GAPVD1: variants seen among roughly 807,000 people sequenced by gnomAD.
GAPVD1 encodes GTPase-activating protein and VPS9 domain-containing protein 1.
A neutral mutation model predicts 155.5 loss-of-function variants in GAPVD1; 35 were observed. The ratio of observed to expected loss-of-function variants is 0.23; its 90% CI spans 0.17 to 0.30. The LOEUF is 0.30. Among genes scored for constraint, GAPVD1 ranks in the 10% least tolerant of loss-of-function variants. The probability of loss-of-function intolerance (pLI) is 1.00; values close to 1 mark genes in which losing one functional copy is unlikely to be tolerated. For synonymous variants in GAPVD1, 636 were observed against 619.7 expected (o/e 1.03, Z -0.39); for missense variants, 1,429 against 1,775.7 (o/e 0.80, Z 3.51).
chr9:125,340,654 A>G (rs1426649245), intron 17 of GAPVD1, among the ~76,000 whole-genome samples: 2 of 152,026 alleles, frequency 1.3e-5, no homozygotes, highest in Non-Finnish European at 2.9e-5. Flanking sequence ...TTTGTACTGC[A>G]TTTACTTTTT....
intron 25 of GAPVD1, among the ~76,000 whole-genome samples, chr9:125,356,451 A>G (rs1299326991): frequency 6.6e-6 from 1 of 152,140 alleles, no homozygotes; most frequent in Non-Finnish European, 1.5e-5. Context: ...AGACATTCCC[A>G]AATGTCCCTT....
At position 125,337,227 on chromosome 9, in the gene GAPVD1, C is replaced by G; in HGVS notation, c.2513C>G (p.Ser838Cys). 1 of 1,613,914 alleles carries G rather than the reference C, an allele frequency of 6.2e-7. No homozygotes were observed. ...TTTTTTTCCTGTGTTGCAGGGGCTT[C>G]TGCTGTGGTAAGGCCAAAGGTTCAC... ...FDPLSSHEGA[S>C]AVVRPKVHYA... The change falls in exon 17 of 28, where the codon TCT (serine) becomes TGT (cysteine). Residue 838 changes from serine (S) to cysteine (C), a missense_variant. By Grantham distance (112) the Ser-to-Cys change is moderately radical. Transcript: ENST00000297933.
At chr9:125,292,528 G>T (rs1838775757) in intron 2 of GAPVD1, among the ~76,000 whole-genome samples, 1 of 152,022 alleles carries the variant, frequency 6.6e-6, no homozygotes, top group South Asian at 2.1e-4. Context: ...GAGTAGCTGG[G>T]ATTACAGGTG....
At position 125,367,148 on chromosome 9, in the gene GAPVD1, T is replaced by A. The variant is rs1466629013; in HGVS notation, c.*4402T>A. The A allele has an allele frequency of 2.0e-5, 3 of 152,222 alleles. No individual in the cohort carries two copies. Among genetic ancestry groups the A allele is most frequent in the Non-Finnish European group, 4.4e-5 (3 of 68,034 alleles). 9.4% of individuals were successfully genotyped at this position (152,222 alleles called of 1,614,324 possible). A position where few individuals can be genotyped will look rare whatever the true frequency, so the allele number is the denominator to read the frequency against. The stretch of plus-strand genomic sequence containing the variant: ...AACCCCTCCTGTCTCCTAATGTGAT[T>A]AGTACTGTAAAATATTCTATAAAAC... On this transcript the variant is annotated 3_prime_UTR_variant, in exon 28 of 28. Transcript: ENST00000297933.
At chr9:125,349,130 C>T (rs578080047) in intron 20 of GAPVD1, among the ~76,000 whole-genome samples, 1 of 152,304 alleles carries the variant, frequency 6.6e-6, no homozygotes, top group East Asian at 1.9e-4. Context: ...CATTATTTTG[C>T]ATTAGTTCAT....
Position 125,365,494 on chromosome 9 carries a change from GGA to G in GAPVD1, c.*2756_*2757del, listed in dbSNP as rs1851424449. 1 of 152,128 alleles carries G rather than the reference GGA, an allele frequency of 6.6e-6. No individual in the cohort carries two copies. The highest frequency in any genetic ancestry group is 1.5e-5 in the Non-Finnish European group (1 of 68,024). 9.4% of individuals were successfully genotyped at this position (152,128 alleles called of 1,614,324 possible). ...AGAATTTATAAAGTGGATGTTAAATGGAGAGAGAGTTGGCTCAGGTCCCCTGA... is the reference window on the plus strand; with the variant it reads ...AGAATTTATAAAGTGGATGTTAAATGGAGAGAGTTGGCTCAGGTCCCCTGA... On this transcript the variant is annotated 3_prime_UTR_variant, in exon 28 of 28. Coordinates refer to ENST00000297933, the MANE Select transcript of GAPVD1 (RefSeq NM_001282680.3).
Position 125,307,897 on chromosome 9 carries a change from G to A in GAPVD1, c.1441+17G>A, listed in dbSNP as rs199683264. On this transcript the variant is annotated intron_variant, in intron 8 of 27. Coordinates refer to ENST00000297933, the MANE Select transcript of GAPVD1 (RefSeq NM_001282680.3). ...TACCTATAGGTAAAGAGAATTTCTC[G>A]TATTGGAGCTTTCTCTTAAATCTAA... 1.7e-5 allele frequency: 26 copies of A among 1,511,118 alleles called. No individual in the cohort carries two copies. The highest frequency in any genetic ancestry group is 1.6e-4 in the South Asian group (14 of 88,970). The allele number at this position is 1,511,118 out of a possible 1,614,324, so 93.6% of individuals were successfully genotyped here.
Position 125,302,550 on chromosome 9 carries a change from G to A in GAPVD1, c.753G>A (p.Val251=), listed in dbSNP as rs1350755183. 3 of 1,613,608 alleles carry A rather than the reference G, an allele frequency of 1.9e-6. No individual in the cohort carries two copies. Among genetic ancestry groups the A allele is most frequent in the African/African-American group, 2.7e-5 (2 of 74,902 alleles). Residue 251 remains valine, a synonymous_variant, in exon 5 of 28, where the codon GTG becomes GTA. Coordinates refer to ENST00000297933, the MANE Select transcript of GAPVD1 (RefSeq NM_001282680.3). ...DRFRQKVQEM[V]ESNEAKLVAL... is the part of the protein sequence containing the mutation. The stretch of plus-strand genomic sequence containing the variant: ...TCAGGCAAAAAGTTCAAGAAATGGT[G>A]GAGTCCAATGAAGCAAAGCTAGTGG...
At chr9:125,278,153 A>G (rs1471511584) in intron 2 of GAPVD1, among the ~76,000 whole-genome samples, 2 of 152,228 alleles carry the variant, frequency 1.3e-5, no homozygotes, top group East Asian at 3.8e-4. Flanking sequence ...TGATATTTGT[A>G]AAAAATATTT....
intron 15 of GAPVD1, 179 bp from the exon 16 acceptor site, chr9:125,336,839 C>T (rs1480638785): frequency 3.4e-6 from 2 of 583,642 alleles, no homozygotes; most frequent in Admixed American, 3.2e-5. Flanking sequence ...TGAAGATACT[C>T]ATAAAAACAG....
chr9:125,282,871 A>G (rs1837008390), intron 2 of GAPVD1, among the ~76,000 whole-genome samples: 1 of 152,104 alleles, frequency 6.6e-6, no homozygotes, highest in Admixed American at 6.6e-5. Context: ...TCTTTCGCCT[A>G]TGTTAATTAA....
intron 2 of GAPVD1, among the ~76,000 whole-genome samples, chr9:125,291,225 G>A (rs118119214): frequency 0.021 from 3,191 of 152,136 alleles, 49 homozygotes; most frequent in South Asian, 0.031. Flanking sequence ...GGAGGTTGTG[G>A]CTACAGTGCT....
chr9:125,333,269 C>G (rs774051459), intron 15 of GAPVD1, among the ~76,000 whole-genome samples: 1 of 151,228 alleles, frequency 6.6e-6, no homozygotes, highest in Non-Finnish European at 1.5e-5. Flanking sequence ...TTAGTAGATA[C>G]GGGGGTTTCA....
At chr9:125,336,429 T>TC in intron 15 of GAPVD1, among the ~76,000 whole-genome samples, 1 of 152,306 alleles carries the variant, frequency 6.6e-6, no homozygotes, top group South Asian at 2.1e-4. Context: ...TGTTAGAACT[T>TC]CAAGATTTAC....
chr9:125,346,167 T>C (rs1326069537), intron 19 of GAPVD1: 1 of 152,824 alleles, frequency 6.5e-6, no homozygotes, highest in Non-Finnish European at 1.5e-5. Flanking sequence ...TTGTGGTACG[T>C]TTTTTCTCTA....
chr9:125,299,041 G>A lies in GAPVD1; in HGVS notation c.120G>A (p.Lys40=). 1 of 1,612,830 alleles carries A rather than the reference G, an allele frequency of 6.2e-7. No homozygotes were observed. Among genetic ancestry groups the A allele is most frequent in the South Asian group, 1.1e-5 (1 of 90,984 alleles). ...LNADVLKTAE[K]LYRTAWIAKQ... ...CAGATGTACTTAAGACAGCTGAAAA[G>A]TTGTATCGTACAGCATGGATTGCGA... The change falls in exon 4 of 28, where the codon AAG becomes AAA. Residue 40 remains lysine (K), a synonymous_variant. Coordinates refer to ENST00000297933, the MANE Select transcript of GAPVD1 (RefSeq NM_001282680.3).
At chr9:125,356,117 CT>C (rs1850044734) in intron 25 of GAPVD1, among the ~76,000 whole-genome samples, 1 of 152,172 alleles carries the variant, frequency 6.6e-6, no homozygotes, top group Non-Finnish European at 1.5e-5. Flanking sequence ...CTTAACTAAT[CT>C]TCCCTTCCTT....
At chr9:125,346,166 G>C (rs1589076130) in intron 19 of GAPVD1, 1 of 152,816 alleles carries the variant, frequency 6.5e-6, no homozygotes, top group Non-Finnish European at 1.5e-5. Context: ...ATTGTGGTAC[G>C]TTTTTTCTCT....
At chr9:125,334,736 C>CA (rs1294506696) in intron 15 of GAPVD1, among the ~76,000 whole-genome samples, 3 of 148,392 alleles carry the variant, frequency 2.0e-5, no homozygotes, top group Non-Finnish European at 4.5e-5. Flanking sequence ...CTCGTCTCTA[C>CA]AAAAATAAAA....
Sources: gnomAD v4.1 joint callset for allele counts (sites outside exome capture counted in the v4.1 genomes callset) on GRCh38, gnomAD v4.1.1 for gene constraint, MANE v1.5 for transcripts, NCBI Gene and HGNC (gene_info 2026-07-23, HGNC 2026-07-21) for gene names.